The following TAFA2 variants were observed in gnomAD, a reference collection of about 807,000 sequenced individuals.
TAFA2 encodes the protein chemokine-like protein TAFA-2.
A neutral mutation model predicts 18.8 loss-of-function variants in TAFA2; 7 were observed. The observed-to-expected ratio is 0.37, with a 90% confidence interval of 0.21 to 0.70. TAFA2 has a LOEUF of 0.70. Ranked by LOEUF, TAFA2 falls within the 30% of genes least tolerant of loss-of-function variation. The pLI, the probability that TAFA2 is intolerant of heterozygous loss-of-function variation, is 0.53. For synonymous variants in TAFA2, 60 were observed against 54.2 expected, an observed-to-expected ratio of 1.11 and a Z score of -0.47; for missense variants, 122 against 158.1, an observed-to-expected ratio of 0.77 and a Z score of 1.23.
intron 1 of TAFA2, among the ~76,000 whole-genome samples, chr12:61,999,260 T>C (rs568836494): frequency 2.6e-5 from 4 of 152,196 alleles, no homozygotes; most frequent in Non-Finnish European, 5.9e-5. Flanking sequence ...ATACGCTTCA[T>C]GCAATAGCCT....
intron 1 of TAFA2, among the ~76,000 whole-genome samples, chr12:62,000,257 T>C (rs1880335985): frequency 8.7e-6 from 1 of 115,540 alleles, no homozygotes. Flanking sequence ...GTTTTCATTA[T>C]CCTAACTATA....
chr12:62,120,846 T>C (rs1870160243), intron 1 of TAFA2, among the ~76,000 whole-genome samples: 1 of 150,616 alleles, frequency 6.6e-6, no homozygotes, highest in Non-Finnish European at 1.5e-5. Context: ...ATTATTATTA[T>C]TTATTTTATT....
At chr12:61,976,279 A>T (rs1879431043) in intron 1 of TAFA2, among the ~76,000 whole-genome samples, 1 of 151,798 alleles carries the variant, frequency 6.6e-6, no homozygotes, top group Admixed American at 6.6e-5. Flanking sequence ...GTTATAAGAC[A>T]CTCCTACCAA....
intron 2 of TAFA2, among the ~76,000 whole-genome samples, chr12:61,858,690 G>GA (rs1039066471): frequency 5.0e-4 from 73 of 145,732 alleles, no homozygotes; most frequent in Admixed American, 1.7e-3. Flanking sequence ...ACTGCTAAGT[G>GA]AAAAAAAAAA....
intron 1 of TAFA2, among the ~76,000 whole-genome samples, chr12:62,217,474 G>C (rs957475612): frequency 1.3e-5 from 2 of 152,204 alleles, no homozygotes; most frequent in African/African-American, 4.8e-5. Context: ...AAGATCAAGT[G>C]ATTAATGGAC....
intron 1 of TAFA2, among the ~76,000 whole-genome samples, chr12:62,058,917 C>A (rs1363307657): frequency 6.6e-6 from 1 of 152,146 alleles, no homozygotes; most frequent in Non-Finnish European, 1.5e-5. Context: ...TCCTGGCTAA[C>A]ACGGTGAAAC....
chr12:62,198,166 G>A (rs555733124), intron 1 of TAFA2: 4 of 151,380 alleles, frequency 2.6e-5, no homozygotes, highest in African/African-American at 7.3e-5. Context: ...TAAAGCAGAC[G>A]ATATAAACCC....
At chr12:61,890,850 A>G (rs1425222680) in intron 1 of TAFA2, among the ~76,000 whole-genome samples, 1 of 152,130 alleles carries the variant, frequency 6.6e-6, no homozygotes, top group Non-Finnish European at 1.5e-5. Flanking sequence ...TTTTCCACCC[A>G]TGTATCCTCC....
At chr12:61,746,588 A>AC (rs1324888983) in intron 4 of TAFA2, among the ~76,000 whole-genome samples, 1 of 152,070 alleles carries the variant, frequency 6.6e-6, no homozygotes, top group South Asian at 2.1e-4. Flanking sequence ...CAGAGCAGAG[A>AC]CCCACCTGAG....
chr12:61,784,774 C>A (rs183270652), intron 2 of TAFA2, among the ~76,000 whole-genome samples: 1 of 149,210 alleles, frequency 6.7e-6, no homozygotes, highest in African/African-American at 2.4e-5. Flanking sequence ...TTTTTAAATT[C>A]TCTAATTTTT....
chr12:62,065,319 T>C (rs1882456083), intron 1 of TAFA2, among the ~76,000 whole-genome samples: 1 of 152,014 alleles, frequency 6.6e-6, no homozygotes, highest in South Asian at 2.1e-4. Context: ...AATATTAATA[T>C]GAGTAGTAAA....
chr12:62,164,670 AC>A (rs1043459755), intron 1 of TAFA2, among the ~76,000 whole-genome samples: 1 of 152,126 alleles, frequency 6.6e-6, no homozygotes, highest in African/African-American at 2.4e-5. Flanking sequence ...CTAAAAGTCC[AC>A]CCAGCAATTA....
chr12:61,724,751 A>ATGTGTGTGTGTGTGTG (rs71083953), intron 4 of TAFA2, among the ~76,000 whole-genome samples: 1 of 114,630 alleles, frequency 8.7e-6, no homozygotes, highest in Non-Finnish European at 1.8e-5. Flanking sequence ...TGGTATGTCT[A>ATGTGTGTGTGTGTGTG]TGTGTGTGTG....
At position 61,972,506 on chromosome 12, in the gene TAFA2, G is replaced by C. The variant is rs541042403; in HGVS notation, c.-1-105080C>G. ...AATCTTCACATCTGGAATTCACAAA[G>C]TGAGTTGTGTTTTCTTGGCCAAACC... is the stretch of plus-strand genomic sequence containing the variant. On this transcript the variant is annotated intron_variant, in intron 1 of 4. Transcript: ENST00000416284. Among the ~76,000 whole-genome samples, 41 of 151,694 alleles carry C rather than the reference G, an allele frequency of 2.7e-4. 1 individual carries two copies. In the South Asian group the frequency reaches 7.9e-3, roughly 29 times the overall value.
chr12:61,947,379 G>A (rs992265929), intron 1 of TAFA2, among the ~76,000 whole-genome samples: 1 of 150,566 alleles, frequency 6.6e-6, no homozygotes, highest in Non-Finnish European at 1.5e-5. Context: ...AGTGGGTGCA[G>A]CGCACCAGCA....
At chr12:62,086,665 G>A (rs1431567206) in intron 1 of TAFA2, among the ~76,000 whole-genome samples, 1 of 152,088 alleles carries the variant, frequency 6.6e-6, no homozygotes, top group Non-Finnish European at 1.5e-5. Context: ...GAATGTTAGT[G>A]AGGATGTAGA....
At chr12:62,067,340 T>A (rs2136797966) in intron 1 of TAFA2, among the ~76,000 whole-genome samples, 1 of 152,238 alleles carries the variant, frequency 6.6e-6, no homozygotes, top group Middle Eastern at 3.4e-3. Flanking sequence ...TTGTTCATTT[T>A]TGCTTTGGTT....
chr12:62,021,482 T>A, intron 1 of TAFA2: 3 of 624,908 alleles, frequency 4.8e-6, no homozygotes, highest in Non-Finnish European at 8.7e-6. Flanking sequence ...TTCTTTTTTT[T>A]TTTTCTGTCT....
chr12:61,947,256 A>G (rs1242968405), intron 1 of TAFA2, among the ~76,000 whole-genome samples: 1 of 145,078 alleles, frequency 6.9e-6, no homozygotes, highest in African/African-American at 2.5e-5. Context: ...GAATTGAACA[A>G]TGAGATCACA....
Sources: allele counts gnomAD v4.1 joint callset (sites outside exome capture counted in the v4.1 genomes callset), GRCh38; gene constraint gnomAD v4.1.1; transcripts MANE v1.5; gene names NCBI Gene and HGNC (gene_info 2026-07-23, HGNC 2026-07-21).